Variants in CAMTA1 observed in about 807,000 individuals in gnomAD.
CAMTA1 encodes the protein calmodulin binding transcription activator 1.
In CAMTA1, 27 loss-of-function variants were observed where a neutral mutation model predicts 170.9. That is an observed-to-expected ratio of 0.16 (90% CI 0.12 to 0.22). The LOEUF is 0.22. Among genes scored for constraint, CAMTA1 ranks in the 10% least tolerant of loss-of-function variants. CAMTA1 has a pLI of 1.00. For synonymous variants in CAMTA1, 833 were observed against 891.5 expected (o/e 0.93, Z 1.17); for missense variants, 1,619 against 2,217.2 (o/e 0.73, Z 5.42).
chr1:7,143,557 A>G (rs920823556), intron 4 of CAMTA1, among the ~76,000 whole-genome samples: 10 of 152,148 alleles, frequency 6.6e-5, no homozygotes, highest in African/African-American at 2.4e-4. Flanking sequence ...TCCTTCCGCC[A>G]GGAGCTCCTT....
rs1571699646 is a variant in CAMTA1, at chr1:6,918,118, C to G, written c.234+92908C>G. On this transcript the variant is annotated intron_variant, in intron 3 of 22. Coordinates refer to ENST00000303635, the MANE Select transcript of CAMTA1 (RefSeq NM_015215.4). The surrounding 1 kb of genome is among the most constrained non-coding windows in gnomAD (Gnocchi z 4.0). ...TTCTGTGGCTCCTAATGGTGAAGGC[C>G]TCCCATGCTCCTGTTTGGGAAGAAT... 6.6e-6 allele frequency among the ~76,000 whole-genome samples: 1 copy of G among 152,226 alleles called. No individual in the cohort carries two copies. Among genetic ancestry groups the G allele is most frequent in the Non-Finnish European group, 1.5e-5 (1 of 68,024 alleles).
chr1:6,857,828 A>G (rs1314305021), intron 3 of CAMTA1, among the ~76,000 whole-genome samples: 3 of 152,224 alleles, frequency 2.0e-5, no homozygotes, highest in Non-Finnish European at 4.4e-5. Context: ...CACTGTAAAA[A>G]GAAAAAAAAA....
chr1:6,905,351 A>G (rs1314416532), intron 3 of CAMTA1, among the ~76,000 whole-genome samples: 1 of 151,638 alleles, frequency 6.6e-6, no homozygotes, highest in Non-Finnish European at 1.5e-5. Context: ...GCGCAACCAC[A>G]CCTGGCTAAT....
At chr1:7,655,647 ACAC>A (rs2095895711) in intron 7 of CAMTA1, among the ~76,000 whole-genome samples, 2 of 149,026 alleles carry the variant, frequency 1.3e-5, no homozygotes, top group Non-Finnish European at 3.0e-5. Context: ...TACACACACT[ACAC>A]ACCCACACAC....
chr1:6,812,252 C>A (rs1008246963), intron 1 of CAMTA1, among the ~76,000 whole-genome samples: 16 of 152,196 alleles, frequency 1.1e-4, no homozygotes, highest in African/African-American at 3.9e-4. Context: ...GAGAACTGGT[C>A]TGGTTCTAAT....
At position 7,299,457 on chromosome 1, in the gene CAMTA1, C is replaced by T. The variant is rs911158346; in HGVS notation, c.438+49831C>T. On this transcript the variant is annotated intron_variant, in intron 5 of 22. Coordinates refer to ENST00000303635, the MANE Select transcript of CAMTA1 (RefSeq NM_015215.4). The surrounding 1 kb of genome is among the most constrained non-coding windows in gnomAD (Gnocchi z 4.7). The stretch of plus-strand genomic sequence containing the variant: ...AGACCACCCCAGTAATCCAGGCTTT[C>T]TCTGGAATTCTCCCACTTGTTTATA... 2.6e-5 allele frequency among the ~76,000 whole-genome samples: 4 copies of T among 152,224 alleles called. No individual in the cohort carries two copies. Among genetic ancestry groups the T allele is most frequent in the African/African-American group, 9.6e-5 (4 of 41,458 alleles).
chr1:6,933,546 C>A (rs1375615456), intron 3 of CAMTA1, among the ~76,000 whole-genome samples: 4 of 152,302 alleles, frequency 2.6e-5, no homozygotes, highest in Non-Finnish European at 5.9e-5. Context: ...AGGTGTGAGC[C>A]ACTGTGCCTG....
intron 3 of CAMTA1, among the ~76,000 whole-genome samples, chr1:6,911,927 C>T (rs1242752209): frequency 1.3e-5 from 2 of 152,246 alleles, no homozygotes; most frequent in African/African-American, 4.8e-5. Flanking sequence ...CTGCACAATG[C>T]TAGCTGCTAA....
intron 6 of CAMTA1, among the ~76,000 whole-genome samples, chr1:7,613,786 G>A: frequency 6.7e-6 from 1 of 149,844 alleles, no homozygotes; most frequent in Non-Finnish European, 1.5e-5. Context: ...AGGGGTGGGT[G>A]GGAGCAGAGC....
At chr1:7,306,579 T>C (rs1269904580) in intron 5 of CAMTA1, among the ~76,000 whole-genome samples, 1 of 152,042 alleles carries the variant, frequency 6.6e-6, no homozygotes, top group African/African-American at 2.4e-5. Context: ...TTCCCAAAAT[T>C]TAGTTTTCTT....
chr1:7,367,915 G>A (rs1015913659), intron 5 of CAMTA1, among the ~76,000 whole-genome samples: 1 of 151,242 alleles, frequency 6.6e-6, no homozygotes, highest in South Asian at 2.1e-4. Context: ...CAGACACTGG[G>A]CACTTATGGT....
At chr1:7,468,635 T>C (rs1052607146) in intron 6 of CAMTA1, among the ~76,000 whole-genome samples, 2 of 152,348 alleles carry the variant, frequency 1.3e-5, no homozygotes, top group African/African-American at 4.8e-5. Context: ...CTTTTCAAAA[T>C]GCATCCTCTG....
At chr1:7,200,596 T>C (rs570152595) in intron 4 of CAMTA1, among the ~76,000 whole-genome samples, 3 of 152,334 alleles carry the variant, frequency 2.0e-5, no homozygotes, top group Admixed American at 6.5e-5. Context: ...CCTGCTATTT[T>C]GCAGCATGTC....
chr1:7,196,114 G>C (rs1341183561), intron 4 of CAMTA1, among the ~76,000 whole-genome samples: 2 of 152,172 alleles, frequency 1.3e-5, no homozygotes, highest in Non-Finnish European at 1.5e-5. Context: ...ATTGAATCAC[G>C]GGTCAGGTTT....
chr1:7,734,767 A>G (rs1381621338), intron 12 of CAMTA1, among the ~76,000 whole-genome samples: 1 of 152,192 alleles, frequency 6.6e-6, no homozygotes. Flanking sequence ...TTTTTTCCAC[A>G]TTTAAAAATA....
chr1:7,141,232 C>A (rs531113602), intron 4 of CAMTA1, among the ~76,000 whole-genome samples: 1 of 152,130 alleles, frequency 6.6e-6, no homozygotes, highest in Admixed American at 6.5e-5. Flanking sequence ...AAGGTGATAC[C>A]CCCTGGGCTC....
chr1:7,003,596 A>G (rs970099479), intron 3 of CAMTA1, among the ~76,000 whole-genome samples: 1 of 150,112 alleles, frequency 6.7e-6, no homozygotes, highest in Non-Finnish European at 1.5e-5. Flanking sequence ...CTTTATTATT[A>G]TGGTCTGGAG....
rs2096254191 is a variant in CAMTA1 at position 7,685,953 on chromosome 1, A to G, written c.2914+8220A>G. Among the ~76,000 whole-genome samples the G allele has an allele frequency of 6.6e-6, 1 of 152,088 alleles. No individual in the cohort carries two copies. The highest frequency in any genetic ancestry group is 2.1e-4 in the South Asian group (1 of 4,824). On this transcript the variant is annotated intron_variant, in intron 11 of 22. Transcript: ENST00000303635. The surrounding 1 kb of genome is among the most constrained non-coding windows in gnomAD (Gnocchi z 5.7). ...TGCTCACTCCCTCCCCGACATCCCA[A>G]TACTAGCCTAGCATGTTTCTTTCCT...
intron 5 of CAMTA1, among the ~76,000 whole-genome samples, chr1:7,417,284 C>T (rs1486641877): frequency 1.3e-5 from 2 of 152,354 alleles, no homozygotes; most frequent in Non-Finnish European, 2.9e-5. Flanking sequence ...GCTGGGAGAA[C>T]CACTACTCTC....
Sources: gnomAD v4.1 joint callset for allele counts (sites outside exome capture counted in the v4.1 genomes callset) on GRCh38, gnomAD v4.1.1 for gene constraint, Gnocchi (gnomAD v3.1) non-coding constraint, MANE v1.5 for transcripts, NCBI Gene and HGNC (gene_info 2026-07-23, HGNC 2026-07-21) for gene names.